The following COL22A1 variants were observed in gnomAD, a reference collection of about 807,000 sequenced individuals.
COL22A1 encodes collagen alpha-1(XXII) chain.
In COL22A1, 221 loss-of-function variants were observed where a neutral mutation model predicts 248.9. That is an observed-to-expected ratio of 0.89 (90% CI 0.80 to 0.99). The LOEUF (loss-of-function observed/expected upper bound fraction) is 0.99, where lower values mean the gene tolerates loss of function less well. COL22A1 is among the 50% of genes least tolerant of loss of function. The pLI is 0.00. For synonymous variants in COL22A1, 891 were observed against 793.4 expected, an observed-to-expected ratio of 1.12 and a Z score of -2.07; for missense variants, 2,240 against 2,179.0, an observed-to-expected ratio of 1.03 and a Z score of -0.56.
chr8:138,660,566 T>A, intron 43 of COL22A1, 86 bp from the exon 44 acceptor site: 1 of 1,217,212 alleles, frequency 8.2e-7, no homozygotes, highest in African/African-American at 1.5e-5. Flanking sequence ...AATCTCTCTA[T>A]CTGCTAAGTG....
intron 16 of COL22A1, among the ~76,000 whole-genome samples, chr8:138,766,217 T>C (rs760351180): frequency 1.3e-4 from 20 of 151,906 alleles, no homozygotes; most frequent in Non-Finnish European, 2.4e-4. Flanking sequence ...CCAAGATGAG[T>C]GGAGTCTGGA....
At chr8:138,785,682 A>G (rs1396967062) in intron 12 of COL22A1, among the ~76,000 whole-genome samples, 4 of 152,146 alleles carry the variant, frequency 2.6e-5, no homozygotes, top group Non-Finnish European at 5.9e-5. Flanking sequence ...GCAGCAGGAC[A>G]CCTTGGCCTC....
At chr8:138,616,786 T>G in intron 54 of COL22A1, 128 bp downstream of exon 54, 1 of 1,032,820 alleles carries the variant, frequency 9.7e-7, no homozygotes, top group Non-Finnish European at 1.5e-6. Flanking sequence ...GCTTGCTCCA[T>G]GCTGGTGTGC....
chr8:138,821,927 T>C (rs1308693643), intron 6 of COL22A1, among the ~76,000 whole-genome samples: 1 of 152,232 alleles, frequency 6.6e-6, no homozygotes, highest in Non-Finnish European at 1.5e-5. Context: ...TGTTTCTTGA[T>C]AGCAGAGGTC....
chr8:138,846,077 A>G (rs1287077671), intron 3 of COL22A1, among the ~76,000 whole-genome samples: 1 of 152,182 alleles, frequency 6.6e-6, no homozygotes, highest in Non-Finnish European at 1.5e-5. Flanking sequence ...AGGTCTGACA[A>G]GCATCATGGA....
At chr8:138,885,629 T>C (rs1824608814) in intron 1 of COL22A1, among the ~76,000 whole-genome samples, 1 of 152,202 alleles carries the variant, frequency 6.6e-6, no homozygotes, top group Non-Finnish European at 1.5e-5. Context: ...TTGCCCAGAC[T>C]GAAGGCTCAC....
chr8:138,913,156 A>G (rs913110828), intron 1 of COL22A1, among the ~76,000 whole-genome samples: 2 of 152,146 alleles, frequency 1.3e-5, no homozygotes, highest in African/African-American at 2.4e-5. Context: ...TGTAAAACCA[A>G]ACGAAGACTA....
At chr8:138,689,117 C>T in intron 36 of COL22A1, 147 bp from the exon 37 acceptor site, 1 of 672,868 alleles carries the variant, frequency 1.5e-6, no homozygotes, top group South Asian at 1.8e-5. Flanking sequence ...TTTAAATTCC[C>T]CAAAGCTCCA....
intron 12 of COL22A1, among the ~76,000 whole-genome samples, chr8:138,795,121 A>ATTT (rs1380388365): frequency 6.6e-6 from 1 of 152,178 alleles, no homozygotes; most frequent in East Asian, 1.9e-4. Flanking sequence ...ACAAGAAAGT[A>ATTT]GCTACTGAAT....
At chr8:138,650,932 C>A (rs968099313) in intron 45 of COL22A1, among the ~76,000 whole-genome samples, 16 of 152,144 alleles carry the variant, frequency 1.1e-4, no homozygotes, top group Admixed American at 1.0e-3. Context: ...CAAATACATG[C>A]ACTAACTATG....
At chr8:138,854,171 C>T (rs531359316) in intron 3 of COL22A1, among the ~76,000 whole-genome samples, 1 of 152,216 alleles carries the variant, frequency 6.6e-6, no homozygotes, top group East Asian at 1.9e-4. Context: ...CTGTGGGATG[C>T]TTGTGTTCTG....
Position 138,646,701 on chromosome 8 carries a change from A to T in COL22A1, c.3448-19T>A, listed in dbSNP as rs1230931259. On this transcript the variant is annotated intron_variant, in intron 46 of 64. Coordinates refer to ENST00000303045, the MANE Select transcript of COL22A1 (RefSeq NM_152888.3). ...CCTCTCCCTGTATCAGGGATACAAG[A>T]AAAAAAAAGAAAACAAGAATGAGTA... 6.6e-7 allele frequency: 1 copy of T among 1,505,206 alleles called. No individual in the cohort carries two copies. The highest frequency in any genetic ancestry group is 9.0e-7 in the Non-Finnish European group (1 of 1,114,014). The allele number at this position is 1,505,206 out of a possible 1,614,324, so 93.2% of individuals were successfully genotyped here.
At chr8:138,613,755 T>C (rs1404899386) in intron 56 of COL22A1, 112 bp downstream of exon 56, 6 of 1,023,714 alleles carry the variant, frequency 5.9e-6, no homozygotes, top group South Asian at 5.1e-5. Context: ...CTAAAACATA[T>C]TACAATTTTT....
At chr8:138,844,019 G>T in intron 4 of COL22A1, 65 bp downstream of exon 4, 1 of 1,400,730 alleles carries the variant, frequency 7.1e-7, no homozygotes. Flanking sequence ...ATTGACTAGG[G>T]TCATGCTCAG....
chr8:138,834,643 T>C (rs1049665409), intron 4 of COL22A1, among the ~76,000 whole-genome samples: 2 of 152,102 alleles, frequency 1.3e-5, no homozygotes, highest in Admixed American at 6.5e-5. Context: ...ATTTCATCTG[T>C]AAAAAGGGGA....
At chr8:138,669,275 G>A (rs1824800622) in intron 41 of COL22A1, among the ~76,000 whole-genome samples, 1 of 152,224 alleles carries the variant, frequency 6.6e-6, no homozygotes, top group African/African-American at 2.4e-5. Flanking sequence ...AAGCTGAGCA[G>A]GAAGTGTGGA....
At chr8:138,613,716 G>A (rs1819090085) in intron 56 of COL22A1, 151 bp downstream of exon 56, 2 of 759,952 alleles carry the variant, frequency 2.6e-6, no homozygotes, top group East Asian at 2.5e-5. Flanking sequence ...TGACTAGGGG[G>A]ACTTAGGGGG....
At chr8:138,622,614 A>T (rs1458914274) in intron 52 of COL22A1, among the ~76,000 whole-genome samples, 1 of 152,212 alleles carries the variant, frequency 6.6e-6, no homozygotes, top group African/African-American at 2.4e-5. Flanking sequence ...TCCCATGGAC[A>T]GGAACTACTT....
chr8:138,599,484 A>T (rs527364269), intron 60 of COL22A1, among the ~76,000 whole-genome samples: 1 of 150,470 alleles, frequency 6.6e-6, no homozygotes, highest in East Asian at 1.9e-4. Flanking sequence ...GTCTCAAAAA[A>T]CAAAACAAAA....
Sources: gnomAD v4.1 joint callset for allele counts (sites outside exome capture counted in the v4.1 genomes callset) on GRCh38, gnomAD v4.1.1 for gene constraint, MANE v1.5 for transcripts, NCBI Gene and HGNC (gene_info 2026-07-23, HGNC 2026-07-21) for gene names.